The following OC90 variants were observed in gnomAD, a reference collection of about 807,000 sequenced individuals.
OC90 encodes the protein otoconin-90.
A neutral mutation model predicts 47.3 loss-of-function variants in OC90; 46 were observed. The observed-to-expected ratio is 0.97, with a 90% CI of 0.77 to 1.24. The LOEUF is 1.24. Among genes scored for constraint, OC90 ranks in the 50% most tolerant of loss-of-function variants. OC90 has a pLI of 0.00. For missense variants in OC90, 688 were observed against 583.9 expected (o/e 1.18, Z -1.84); for synonymous variants, 271 against 219.5 (o/e 1.23, Z -2.07).
rs955036796 is a variant in OC90 at position 132,044,566 on chromosome 8, G to C, written c.113-77C>G. Reference sequence around the variant, plus strand: ...CTTCCCTGTCCACCCTCTAGGTAAAGTGTACATAAAACCTTTCTTCATTCT... The same window carrying C: ...CTTCCCTGTCCACCCTCTAGGTAAACTGTACATAAAACCTTTCTTCATTCT... On this transcript the variant is annotated intron_variant, in intron 3 of 13. Transcript: ENST00000254627. 6 of 817,382 alleles carry C rather than the reference G, an allele frequency of 7.3e-6. No homozygotes were observed. The East Asian group carries it at 1.1e-4, about 14-fold the overall frequency. The allele number at this position is 817,382 out of a possible 1,614,324, so 50.6% of individuals were successfully genotyped here.
chr8:132,024,516 CCAGTGACTTCCG>C lies in OC90; in HGVS notation c.1387_1398del (p.Arg463_Leu466del), dbSNP rs766614557. On this transcript the variant is annotated inframe_deletion, in exon 14 of 14. Coordinates refer to ENST00000254627, the MANE Select transcript of OC90 (RefSeq NM_001080399.3). ...TGAAGAGGCCCGATCCCCAAGGGACCCAGTGACTTCCGCAGAAACCTCTTGGCTCTGCCGAGG... is the reference window on the plus strand; with the variant it reads ...TGAAGAGGCCCGATCCCCAAGGGACCCAGAAACCTCTTGGCTCTGCCGAGG... The C allele has an allele frequency of 2.5e-6, 4 of 1,587,232 alleles. 1 individual carries two copies. Among genetic ancestry groups the C allele is most frequent in the Non-Finnish European group, 8.6e-7 (1 of 1,163,530 alleles).
chr8:132,057,891 C>T (rs1046483803), intron 1 of OC90, among the ~76,000 whole-genome samples: 8 of 152,234 alleles, frequency 5.3e-5, no homozygotes, highest in Non-Finnish European at 1.0e-4. Flanking sequence ...CAGAAGGGGG[C>T]GCTCTGGCAA....
chr8:132,036,363 C>G (rs577569569), intron 9 of OC90: 1 of 780,858 alleles, frequency 1.3e-6, no homozygotes, highest in Admixed American at 1.7e-5. Context: ...AAATTCCCCT[C>G]TGCTTACTTT....
intron 1 of OC90, among the ~76,000 whole-genome samples, chr8:132,059,069 C>G (rs927647069): frequency 1.9e-4 from 28 of 146,610 alleles, no homozygotes; most frequent in African/African-American, 7.1e-4. Context: ...TCCCTTCTAC[C>G]CTCTCTTTCT....
intron 9 of OC90, 86 bp downstream of exon 9, chr8:132,037,352 G>C (rs1822983694): frequency 1.6e-5 from 18 of 1,110,758 alleles, no homozygotes; most frequent in Non-Finnish European, 2.4e-5. Flanking sequence ...GTGAGTTCTT[G>C]TGAGATCTGG....
chr8:132,028,312 G>A (rs1021597959), intron 13 of OC90, among the ~76,000 whole-genome samples: 6 of 151,910 alleles, frequency 3.9e-5, no homozygotes, highest in Non-Finnish European at 7.4e-5. Context: ...GACCATCCTG[G>A]CCAACATGGT....
chr8:132,038,870 TG>T, intron 7 of OC90, 39 bp from the exon 8 acceptor site: 7 of 1,611,070 alleles, frequency 4.3e-6, no homozygotes, highest in Non-Finnish European at 5.9e-6. Context: ...TTGAGAGCAG[TG>T]GGTTTGAGGG....
chr8:132,029,913 T>G (rs938710011), intron 12 of OC90, among the ~76,000 whole-genome samples: 7 of 152,232 alleles, frequency 4.6e-5, no homozygotes, highest in Admixed American at 4.6e-4. Context: ...TCCCTTTCTT[T>G]TAATAACTCT....
intron 6 of OC90, among the ~76,000 whole-genome samples, chr8:132,039,429 C>G (rs1411569846): frequency 6.6e-6 from 1 of 152,214 alleles, no homozygotes; most frequent in African/African-American, 2.4e-5. Flanking sequence ...TGTCTCGTGC[C>G]TGGTCATGGT....
At position 132,029,065 on chromosome 8, in the gene OC90, G is replaced by A; in HGVS notation, c.1138+8C>T. 6.3e-7 allele frequency: 1 copy of A among 1,591,178 alleles called. No homozygotes were observed. The highest frequency in any genetic ancestry group is 8.6e-7 in the Non-Finnish European group (1 of 1,159,040). ...ATAATAACTCAATGTGCAACCAACA[G>A]CACTTACACTTGGGCGTATGATCCA... is the stretch of plus-strand genomic sequence containing the variant. On this transcript the variant is annotated splice_region_variant and intron_variant, in intron 13 of 13. Transcript: ENST00000254627.
At chr8:132,031,393 G>T (rs1350519967) in intron 12 of OC90, among the ~76,000 whole-genome samples, 1 of 152,114 alleles carries the variant, frequency 6.6e-6, no homozygotes, top group Non-Finnish European at 1.5e-5. Context: ...TTTCAAGAGT[G>T]GTACACATGG....
intron 4 of OC90, among the ~76,000 whole-genome samples, chr8:132,043,819 C>G (rs191525622): frequency 3.3e-5 from 5 of 152,330 alleles, no homozygotes; most frequent in East Asian, 3.9e-4. Flanking sequence ...CTTAGTTATA[C>G]AAACAGTTTA....
chr8:132,045,541 G>A (rs1358530515), intron 3 of OC90, among the ~76,000 whole-genome samples: 1 of 152,140 alleles, frequency 6.6e-6, no homozygotes, highest in South Asian at 2.1e-4. Flanking sequence ...TAACCTTCAC[G>A]TCAGCCCATT....
Position 132,029,086 on chromosome 8 carries a change from A to G in OC90, c.1125T>C (p.Asp375=). Residue 375 remains aspartate, a synonymous_variant, in exon 13 of 14, where the codon GAT becomes GAC. Coordinates refer to ENST00000254627, the MANE Select transcript of OC90 (RefSeq NM_001080399.3). ...AACAGCACTTACACTTGGGCGTATGATCCACACACACCACCGGTGACCAAG... is the reference window on the plus strand; with the variant it reads ...AACAGCACTTACACTTGGGCGTATGGTCCACACACACCACCGGTGACCAAG... ...RLPWSPVVCV[D]HTPKCGGQSL... is the part of the protein sequence containing the mutation. The G allele has an allele frequency of 6.2e-7, 1 of 1,611,566 alleles. No individual in the cohort carries two copies. Among genetic ancestry groups the G allele is most frequent in the Non-Finnish European group, 8.5e-7 (1 of 1,177,680 alleles).
intron 12 of OC90, among the ~76,000 whole-genome samples, chr8:132,030,401 T>C (rs762129332): frequency 2.6e-5 from 4 of 152,332 alleles, no homozygotes; most frequent in Middle Eastern, 6.8e-3. Context: ...GAAGTAGCCA[T>C]ATCATAACTT....
Position 132,038,829 on chromosome 8 carries a change from T to C in OC90, c.589A>G (p.Thr197Ala), listed in dbSNP as rs1472232302. ...TSFCLAQTPE[T>A]TIKEDLTTLL... ...GTTGTCAAGTCTTCCTTGATGGTTG[T>C]CTCTGAAAAGAAAACACTTTGGAAA... is the stretch of plus-strand genomic sequence containing the variant. The change falls in exon 8 of 14, where the codon ACA becomes GCA. Residue 197 changes from threonine (T) to alanine (A), a missense_variant and splice_region_variant. Transcript: ENST00000254627. 6.2e-7 allele frequency: 1 copy of C among 1,613,748 alleles called. No homozygotes were observed. The highest frequency in any genetic ancestry group is 8.5e-7 in the Non-Finnish European group (1 of 1,179,838).
chr8:132,043,982 G>A (rs1244081315), intron 4 of OC90, among the ~76,000 whole-genome samples: 2 of 152,130 alleles, frequency 1.3e-5, no homozygotes, highest in Non-Finnish European at 1.5e-5. Context: ...TAGATTTTCA[G>A]TTGATAAATG....
intron 2 of OC90, among the ~76,000 whole-genome samples, chr8:132,046,846 T>C (rs1208509100): frequency 6.6e-6 from 1 of 152,192 alleles, no homozygotes; most frequent in Non-Finnish European, 1.5e-5. Context: ...CAGAAGCATG[T>C]TAGACTAAAT....
chr8:132,034,252 C>T (rs1438640763), intron 10 of OC90, among the ~76,000 whole-genome samples: 1 of 152,170 alleles, frequency 6.6e-6, no homozygotes, highest in Non-Finnish European at 1.5e-5. Flanking sequence ...AATCACTTCA[C>T]CTCTCTAAAT....
Sources: gnomAD v4.1 joint callset for allele counts (sites outside exome capture counted in the v4.1 genomes callset) on GRCh38, gnomAD v4.1.1 for gene constraint, MANE v1.5 for transcripts, NCBI Gene and HGNC (gene_info 2026-07-23, HGNC 2026-07-21) for gene names.